ADGRV1: variants seen among roughly 807,000 people sequenced by gnomAD.
ADGRV1 encodes the protein G-protein coupled receptor 98.
A neutral mutation model predicts 596.2 loss-of-function variants in ADGRV1; 359 were observed. That is an observed-to-expected ratio of 0.60 (90% confidence interval 0.55 to 0.66). The LOEUF (loss-of-function observed/expected upper bound fraction) is 0.66, where lower values mean the gene tolerates loss of function less well. Ranked by LOEUF, ADGRV1 falls within the 30% of genes least tolerant of loss-of-function variation. The pLI is 0.00. For missense variants in ADGRV1, 7,274 were observed against 7,575.6 expected, an observed-to-expected ratio of 0.96 and a Z score of 1.48; for synonymous variants, 2,681 against 2,679.2, an observed-to-expected ratio of 1.00 and a Z score of -0.02.
At chr5:90,746,735 A>G (rs1167115854) in intron 52 of ADGRV1, among the ~76,000 whole-genome samples, 1 of 152,120 alleles carries the variant, frequency 6.6e-6, no homozygotes, top group Non-Finnish European at 1.5e-5. Context: ...TCTCAAAGTA[A>G]AGAAGACATT....
At chr5:90,654,241 G>C in intron 20 of ADGRV1, 3 of 397,250 alleles carry the variant, frequency 7.6e-6, no homozygotes, top group Non-Finnish European at 1.4e-5. Flanking sequence ...AAAAAAATAT[G>C]AAAGAGGAAT....
intron 70 of ADGRV1, among the ~76,000 whole-genome samples, chr5:90,797,967 G>C (rs1760937855): frequency 6.6e-6 from 1 of 152,104 alleles, no homozygotes; most frequent in Non-Finnish European, 1.5e-5. Flanking sequence ...ATGCCCACAA[G>C]AGAAAGCAGG....
chr5:91,046,655 G>A (rs932070889), intron 85 of ADGRV1, among the ~76,000 whole-genome samples: 3 of 152,150 alleles, frequency 2.0e-5, no homozygotes, highest in African/African-American at 7.2e-5. Context: ...TAAGAACAAA[G>A]ACGAACAGCT....
intron 85 of ADGRV1, among the ~76,000 whole-genome samples, chr5:90,992,793 T>G (rs1781077276): frequency 6.6e-6 from 1 of 152,232 alleles, no homozygotes; most frequent in Non-Finnish European, 1.5e-5. Context: ...GATTGGTTTA[T>G]ATAGTTTTTC....
At chr5:90,894,588 A>G (rs375556544) in intron 83 of ADGRV1, among the ~76,000 whole-genome samples, 4 of 152,264 alleles carry the variant, frequency 2.6e-5, no homozygotes, top group East Asian at 1.9e-4. Flanking sequence ...ATATTTCAGT[A>G]CCTTGTTAAA....
At chr5:90,844,570 G>A (rs930104167) in intron 78 of ADGRV1, among the ~76,000 whole-genome samples, 7 of 152,086 alleles carry the variant, frequency 4.6e-5, no homozygotes, top group African/African-American at 7.2e-5. Context: ...GCTCTTAGTC[G>A]TCTTAATAGC....
At chr5:90,587,001 C>A (rs182425442) in intron 1 of ADGRV1, among the ~76,000 whole-genome samples, 239 of 152,264 alleles carry the variant, frequency 1.6e-3, no homozygotes, top group African/African-American at 5.5e-3. Context: ...ATGTTTAATT[C>A]TTTCCCTTTA....
At chr5:90,711,083 C>A in intron 40 of ADGRV1, 24 bp downstream of exon 40, 2 of 1,585,800 alleles carry the variant, frequency 1.3e-6, no homozygotes, top group South Asian at 1.1e-5. Flanking sequence ...TGCATGAGAG[C>A]CCTCTTCTGG....
At chr5:90,745,367 A>G in intron 51 of ADGRV1, 102 bp downstream of exon 51, 1 of 810,052 alleles carries the variant, frequency 1.2e-6, no homozygotes, top group Non-Finnish European at 1.9e-6. Context: ...TATACAAAAT[A>G]TAAGAGCTAT....
Position 90,643,866 on chromosome 5 carries a change from G to C in ADGRV1, c.2617G>C (p.Ala873Pro). 8 of 1,611,400 alleles carry C rather than the reference G, an allele frequency of 5.0e-6. No homozygotes were observed. Among genetic ancestry groups the C allele is most frequent in the Non-Finnish European group, 6.8e-6 (8 of 1,178,516 alleles). Residue 873 changes from alanine to proline, a missense_variant, in exon 14 of 90, where the codon GCC becomes CCC. Coordinates refer to ENST00000405460, the MANE Select transcript of ADGRV1 (RefSeq NM_032119.4). The part of the protein sequence containing the change: ...HGERESKLGS[A>P]TIVNITILKN... ...AGAACGGGAAAGCAAGTTGGGAAGT[G>C]CCACCATTGTCAATATAACGATTCT...
chr5:90,744,991 G>A, intron 50 of ADGRV1, 55 bp from the exon 51 acceptor site: 2 of 1,262,916 alleles, frequency 1.6e-6, no homozygotes, highest in Non-Finnish European at 2.3e-6. Flanking sequence ...TGCAGGGAGT[G>A]TGGGAGGTGA....
chr5:90,706,961 C>T (rs1031146015), intron 38 of ADGRV1, among the ~76,000 whole-genome samples: 1 of 151,660 alleles, frequency 6.6e-6, no homozygotes, highest in East Asian at 1.9e-4. Context: ...CAGACATGTC[C>T]GTGATAAAGA....
Position 91,150,207 on chromosome 5 carries a change from G to T in ADGRV1, c.18610G>T (p.Gly6204Cys), listed in dbSNP as rs745735875. The change falls in exon 88 of 90, where the codon GGT becomes TGT. Residue 6204 changes from glycine to cysteine, a missense_variant. Physicochemically the swap from Gly to Cys is radical, Grantham distance 159. Coordinates refer to ENST00000405460, the MANE Select transcript of ADGRV1 (RefSeq NM_032119.4). Reference protein sequence around the residue: ...EISKSTQNLIGAMEEVPPDWE... With the variant: ...EISKSTQNLICAMEEVPPDWE... ...CAGCAAGTCCACCCAGAATCTCATC[G>T]GTGCTATGGAGGAGGTGTCTGCCCT... The T allele has an allele frequency of 1.9e-6, 3 of 1,572,522 alleles. No homozygotes were observed. The highest frequency in any genetic ancestry group is 2.6e-6 in the Non-Finnish European group (3 of 1,159,620).
In ADGRV1 at chr5:90,720,818, A is replaced by C. The variant is rs531593795; in HGVS notation, c.9624-117A>C. 85 of 768,796 alleles carry C rather than the reference A, an allele frequency of 1.1e-4. 1 individual carries two copies. The highest frequency in any genetic ancestry group is 8.9e-4 in the African/African-American group (50 of 56,196). 47.6% of individuals were successfully genotyped at this position (768,796 alleles called of 1,614,324 possible). On this transcript the variant is annotated intron_variant, in intron 44 of 89. Transcript: ENST00000405460. The stretch of plus-strand genomic sequence containing the variant: ...ATTTTTAGTATTTTCTTATCATCTC[A>C]TCTTGGATTGTGTAAATTTAAAAAT...
chr5:90,788,966 A>T (rs1053442589), intron 68 of ADGRV1, among the ~76,000 whole-genome samples: 1 of 152,112 alleles, frequency 6.6e-6, no homozygotes, highest in African/African-American at 2.4e-5. Context: ...GAGGGCTGGC[A>T]AGTCCAAAAT....
intron 85 of ADGRV1, among the ~76,000 whole-genome samples, chr5:91,015,958 G>A (rs931350965): frequency 6.6e-6 from 1 of 151,940 alleles, no homozygotes; most frequent in African/African-American, 2.4e-5. Flanking sequence ...TTGCTTTATA[G>A]TGTCACTGAT....
chr5:90,649,253 C>G lies in ADGRV1; in HGVS notation c.3289+1489C>G, dbSNP rs200451629. 9.9e-5 allele frequency among the ~76,000 whole-genome samples: 15 copies of G among 152,258 alleles called. No individual in the cohort carries two copies. In the East Asian group the frequency reaches 2.9e-3, roughly 29 times the overall value. ...TCTTGACCTTGTGATCTACCCGCCT[C>G]AGCCTCCCAAAGTGCTGGGATTACA... On this transcript the variant is annotated intron_variant, in intron 17 of 89. Transcript: ENST00000405460.
rs757909771 is a variant in ADGRV1, at chr5:90,851,134, T to TGTGTGAGAGA, written c.17205-2149_17205-2148insTGTGAGAGAG. On this transcript the variant is annotated intron_variant, in intron 79 of 89. Transcript: ENST00000405460. ...GTGTGTGTGTGTGTGTGTGTGTGTG[T>TGTGTGAGAGA]GAGAGAGAGAGAGAGAGAGAGAGAG... 8.2e-4 allele frequency among the ~76,000 whole-genome samples: 67 copies of TGTGTGAGAGA among 81,508 alleles called. 1 individual carries two copies. Among genetic ancestry groups the TGTGTGAGAGA allele is most frequent in the South Asian group, 1.6e-3 (3 of 1,866 alleles). 53.5% of individuals were successfully genotyped at this position (81,508 alleles called of 152,430 possible).
chr5:90,924,381 G>C (rs1007620848), intron 83 of ADGRV1, among the ~76,000 whole-genome samples: 1 of 152,018 alleles, frequency 6.6e-6, no homozygotes, highest in Non-Finnish European at 1.5e-5. Flanking sequence ...CTGATGGCCA[G>C]TGATGACGAA....
Sources: gnomAD v4.1 joint callset for allele counts (sites outside exome capture counted in the v4.1 genomes callset) on GRCh38, gnomAD v4.1.1 for gene constraint, MANE v1.5 for transcripts, NCBI Gene and HGNC (gene_info 2026-07-23, HGNC 2026-07-21) for gene names.